ZNF554: variants seen among roughly 807,000 people sequenced by gnomAD.
The protein encoded by ZNF554 is zinc finger protein 554.
Under a neutral mutation model 21.2 loss-of-function variants are expected in ZNF554, and 15 were observed. That is an observed-to-expected ratio of 0.71 (90% CI 0.47 to 1.09). The LOEUF (loss-of-function observed/expected upper bound fraction) is 1.09. Ranked by LOEUF, ZNF554 falls within the 50% of genes least tolerant of loss-of-function variation. ZNF554 has a pLI of 0.00. For synonymous variants in ZNF554, 258 were observed against 251.4 expected (o/e 1.03, Z -0.25); for missense variants, 691 against 662.7 (o/e 1.04, Z -0.47).
intron 2 of ZNF554, 131 bp downstream of exon 2, chr19:2,823,243 G>A: frequency 1.2e-6 from 1 of 839,452 alleles, no homozygotes; most frequent in Non-Finnish European, 1.8e-6. Context: ...GGAGTGGTGT[G>A]TGGGATGAGG....
intron 2 of ZNF554, 83 bp from the exon 3 acceptor site, chr19:2,827,534 C>T (rs1228887339): frequency 1.3e-6 from 2 of 1,529,142 alleles, no homozygotes; most frequent in African/African-American, 1.4e-5. Context: ...CTCAACTTCC[C>T]TGGTGCCACC....
At chr19:2,829,452 A>G (rs1039537383) in intron 3 of ZNF554, among the ~76,000 whole-genome samples, 7 of 152,024 alleles carry the variant, frequency 4.6e-5, no homozygotes, top group African/African-American at 1.7e-4. Flanking sequence ...AGCTTGACCA[A>G]CATGGAGAAA....
chr19:2,822,525 T>C lies in ZNF554; in HGVS notation c.54-515T>C, dbSNP rs565527437. Among the ~76,000 whole-genome samples, 12 of 152,264 alleles carry C rather than the reference T, an allele frequency of 7.9e-5. No homozygotes were observed. The South Asian group carries it at 2.3e-3, about 29-fold the overall frequency. ...CACTTCCTAATGGAGCCTGGGTGTTTTGTAAACTTGTTTGCTTCCAAGGGC... is the reference window on the plus strand; with the variant it reads ...CACTTCCTAATGGAGCCTGGGTGTTCTGTAAACTTGTTTGCTTCCAAGGGC... On this transcript the variant is annotated intron_variant, in intron 1 of 4. Transcript: ENST00000317243.
intron 2 of ZNF554, among the ~76,000 whole-genome samples, chr19:2,827,278 CA>C: frequency 6.6e-6 from 1 of 152,294 alleles, no homozygotes. Flanking sequence ...CCATGACATC[CA>C]TTCATTTTCA....
intron 1 of ZNF554, among the ~76,000 whole-genome samples, chr19:2,820,449 G>A (rs1325797445): frequency 6.6e-6 from 1 of 152,222 alleles, no homozygotes; most frequent in Non-Finnish European, 1.5e-5. Context: ...CACATCAGAG[G>A]GTCTGAGCGA....
rs1178605719 is a variant in ZNF554 at position 2,835,075 on chromosome 19, T to C, written c.*223T>C. The C allele has an allele frequency of 2.1e-6, 1 of 481,126 alleles. No individual in the cohort carries two copies. Among genetic ancestry groups the C allele is most frequent in the African/African-American group, 1.9e-5 (1 of 51,780 alleles). 29.8% of individuals were successfully genotyped at this position (481,126 alleles called of 1,614,324 possible). ...GTCCAGTGGCGTGATCATACCTCACTGCAGCTTCAACTTCCTGGGCTCAAG... is the reference window on the plus strand; with the variant it reads ...GTCCAGTGGCGTGATCATACCTCACCGCAGCTTCAACTTCCTGGGCTCAAG... On this transcript the variant is annotated 3_prime_UTR_variant, in exon 5 of 5. Coordinates refer to ENST00000317243, the MANE Select transcript of ZNF554 (RefSeq NM_001102651.2).
chr19:2,825,003 G>T (rs10432298), intron 2 of ZNF554, among the ~76,000 whole-genome samples: 4,079 of 97,176 alleles, frequency 0.042, 254 homozygotes, highest in East Asian at 0.12. Context: ...GATTGCAGTT[G>T]TTTTTTTTTT....
intron 2 of ZNF554, among the ~76,000 whole-genome samples, chr19:2,823,645 C>T (rs991981456): frequency 6.6e-6 from 1 of 152,112 alleles, no homozygotes; most frequent in Non-Finnish European, 1.5e-5. Flanking sequence ...CTCTCTGAAG[C>T]TCTCAGCAGG....
At chr19:2,831,004 G>A (rs2087408770) in intron 3 of ZNF554, 1 of 152,132 alleles carries the variant, frequency 6.6e-6, no homozygotes, top group African/African-American at 2.4e-5. Context: ...GACCTCTAGT[G>A]ATCCACCTAC....
rs1222680768 is a variant in ZNF554, at chr19:2,821,012, G to T, written c.53+888G>T. 6.6e-6 allele frequency among the ~76,000 whole-genome samples: 1 copy of T among 151,540 alleles called. No individual in the cohort carries two copies. The highest frequency in any genetic ancestry group is 1.5e-5 in the Non-Finnish European group (1 of 67,974). On this transcript the variant is annotated intron_variant, in intron 1 of 4. Coordinates refer to ENST00000317243, the MANE Select transcript of ZNF554 (RefSeq NM_001102651.2). This position sits in a 1 kb window ranked among gnomAD's most constrained non-coding sequence, Gnocchi z 8.2. ...ACCACCCATGTTGAGGAATGAGGGA[G>T]GCAGCTGACCTTTCTGCTGCTCTAG...
At position 2,834,527 on chromosome 19, in the gene ZNF554, C is replaced by G. The variant is rs765408986; in HGVS notation, c.1292C>G (p.Thr431Ser). The stretch of plus-strand genomic sequence containing the variant: ...CTGATCTTGCACAAGAGGACACACA[C>G]CGGAGAGAAGCCCTACGAATGCAGT... Reference protein sequence around the residue: ...SYLILHKRTHTGEKPYECSEC... With the variant: ...SYLILHKRTHSGEKPYECSEC... The change falls in exon 5 of 5, where the codon ACC (threonine) becomes AGC (serine). Residue 431 changes from threonine to serine, a missense_variant. Physicochemically the swap from Thr to Ser is moderately conservative, Grantham distance 58. Transcript: ENST00000317243. 2 of 1,614,084 alleles carry G rather than the reference C, an allele frequency of 1.2e-6. No homozygotes were observed. The highest frequency in any genetic ancestry group is 1.7e-6 in the Non-Finnish European group (2 of 1,180,024).
intron 3 of ZNF554, chr19:2,830,440 G>A (rs1380866735): frequency 6.6e-6 from 1 of 152,206 alleles, no homozygotes; most frequent in Non-Finnish European, 1.5e-5. Context: ...CCTTTCCGCT[G>A]TTGTGAATCC....
At position 2,821,043 on chromosome 19, in the gene ZNF554, C is replaced by T. The variant is rs781120487; in HGVS notation, c.53+919C>T. ...TGACCTTTCTGCTGCTCTAGCAACCCCAACCTCCCTGAACTCTCCCCTACC... is the reference window on the plus strand; with the variant it reads ...TGACCTTTCTGCTGCTCTAGCAACCTCAACCTCCCTGAACTCTCCCCTACC... On this transcript the variant is annotated intron_variant, in intron 1 of 4. Transcript: ENST00000317243. This position sits in a 1 kb window ranked among gnomAD's most constrained non-coding sequence, Gnocchi z 8.2. Among the ~76,000 whole-genome samples the T allele has an allele frequency of 6.6e-6, 1 of 151,620 alleles. No homozygotes were observed. The highest frequency in any genetic ancestry group is 1.5e-5 in the Non-Finnish European group (1 of 67,996).
intron 3 of ZNF554, among the ~76,000 whole-genome samples, chr19:2,828,660 G>A (rs1045452749): frequency 6.9e-6 from 1 of 144,372 alleles, no homozygotes; most frequent in Non-Finnish European, 1.5e-5. Context: ...GGGTGACAGA[G>A]CAAGACTCCG....
chr19:2,823,828 G>A (rs1470509353), intron 2 of ZNF554, among the ~76,000 whole-genome samples: 2 of 152,278 alleles, frequency 1.3e-5, no homozygotes, highest in South Asian at 4.1e-4. Flanking sequence ...CCTCAGAGGG[G>A]AGGAAGTGTG....
At position 2,820,013 on chromosome 19, in the gene ZNF554, G is replaced by C. The variant is rs546743010; in HGVS notation, c.-59G>C. 5.9e-6 allele frequency: 7 copies of C among 1,177,482 alleles called. No individual in the cohort carries two copies. Among genetic ancestry groups the C allele is most frequent in the African/African-American group, 1.6e-5 (1 of 62,452 alleles). 72.9% of individuals were successfully genotyped at this position (1,177,482 alleles called of 1,614,324 possible). A position where few individuals can be genotyped will look rare whatever the true frequency, so the allele number is the denominator to read the frequency against. On this transcript the variant is annotated 5_prime_UTR_variant, in exon 1 of 5. Transcript: ENST00000317243. ...CAGGGACACGCAGGGGAGGCCGGCC[G>C]GCCTGCACGGGGCGCTCCCGCCTCG...
chr19:2,832,602 C>A, intron 4 of ZNF554, 108 bp downstream of exon 4: 1 of 1,177,884 alleles, frequency 8.5e-7, no homozygotes, highest in Non-Finnish European at 1.2e-6. Flanking sequence ...ATGCCAAGAT[C>A]CCTTTCTCGG....
chr19:2,832,227 A>C, intron 3 of ZNF554, 76 bp from the exon 4 acceptor site: 2 of 1,436,008 alleles, frequency 1.4e-6, no homozygotes, highest in Non-Finnish European at 1.9e-6. Context: ...TGCCTGGCAC[A>C]GATCTGTAAT....
chr19:2,832,293 T>A lies in ZNF554; in HGVS notation c.254-10T>A. 1 of 1,571,706 alleles carries A rather than the reference T, an allele frequency of 6.4e-7. No homozygotes were observed. The highest frequency in any genetic ancestry group is 8.6e-7 in the Non-Finnish European group (1 of 1,165,238). ...GTGCTACCTCTCAAGTATACTCTTGTCTTTTTCAGAAGCCTTGAAGAACCA... is the reference window on the plus strand; with the variant it reads ...GTGCTACCTCTCAAGTATACTCTTGACTTTTTCAGAAGCCTTGAAGAACCA... On this transcript the variant is annotated splice_polypyrimidine_tract_variant and intron_variant, in intron 3 of 4. Coordinates refer to ENST00000317243, the MANE Select transcript of ZNF554 (RefSeq NM_001102651.2).
Sources: allele counts gnomAD v4.1 joint callset (sites outside exome capture counted in the v4.1 genomes callset), GRCh38; gene constraint gnomAD v4.1.1; non-coding constraint Gnocchi (gnomAD v3.1); transcripts MANE v1.5; gene names NCBI Gene and HGNC (gene_info 2026-07-23, HGNC 2026-07-21).